The following SLC1A6 variants were observed in gnomAD, a reference collection of about 807,000 sequenced individuals.
SLC1A6 encodes the protein excitatory amino acid transporter 4.
In SLC1A6, 15 loss-of-function variants were observed where a neutral mutation model predicts 42.1. The ratio of observed to expected loss-of-function variants is 0.36; its 90% confidence interval spans 0.24 to 0.55. SLC1A6 has a LOEUF of 0.55. SLC1A6 is among the 20% of genes least tolerant of loss of function. The pLI is 0.88. For synonymous variants in SLC1A6, 317 were observed against 319.7 expected, an observed-to-expected ratio of 0.99 and a Z score of 0.09; for missense variants, 542 against 772.5, an observed-to-expected ratio of 0.70 and a Z score of 3.54.
intron 1 of SLC1A6, among the ~76,000 whole-genome samples, chr19:15,001,665 C>T (rs1024740471): frequency 2.6e-5 from 4 of 152,050 alleles, no homozygotes; most frequent in African/African-American, 9.7e-5. Flanking sequence ...TCTTCCTAAC[C>T]TTCTTATTTT....
intron 1 of SLC1A6, among the ~76,000 whole-genome samples, chr19:15,001,327 G>A (rs773519305): frequency 1.3e-5 from 2 of 152,182 alleles, no homozygotes; most frequent in East Asian, 1.9e-4. Context: ...ACCTCAAACC[G>A]AGTGGTCAGA....
At chr19:14,965,712 T>C (rs1435734983) in intron 4 of SLC1A6, among the ~76,000 whole-genome samples, 1 of 152,002 alleles carries the variant, frequency 6.6e-6, no homozygotes, top group African/African-American at 2.4e-5. Context: ...TAGCTGGGCA[T>C]GGTGGCAGGC....
chr19:14,964,552 A>G (rs1360115670), intron 4 of SLC1A6, among the ~76,000 whole-genome samples, 191 bp from the exon 5 acceptor site: 2 of 152,174 alleles, frequency 1.3e-5, no homozygotes, highest in South Asian at 2.1e-4. Flanking sequence ...CATGAGTCCT[A>G]TTGAATGCCG....
rs138218176 is a variant in SLC1A6, at chr19:14,995,341, AAAAGAAAGAAAG to A, written c.6+15132_6+15143del. 2.5e-5 allele frequency among the ~76,000 whole-genome samples: 3 copies of A among 119,700 alleles called. No individual in the cohort carries two copies. The South Asian group carries it at 7.9e-4, about 32-fold the overall frequency. 78.5% of individuals were successfully genotyped at this position (119,700 alleles called of 152,430 possible). A position where few individuals can be genotyped will look rare whatever the true frequency, so the allele number is the denominator to read the frequency against. On this transcript the variant is annotated intron_variant, in intron 1 of 8. Transcript: ENST00000430939. Reference sequence around the variant, plus strand: ...ACTCCATCTCCAAAAAAAAAAAAAAAAAAGAAAGAAAGAAAGAAAGAAAGAAAAGGGAAGGGA... The same window carrying A: ...ACTCCATCTCCAAAAAAAAAAAAAAAAAAGAAAGAAAGAAAAGGGAAGGGA...
chr19:14,965,724 C>T (rs945332091), intron 4 of SLC1A6, among the ~76,000 whole-genome samples: 1 of 151,996 alleles, frequency 6.6e-6, no homozygotes, highest in African/African-American at 2.4e-5. Flanking sequence ...GTGGCAGGCA[C>T]CTCTAATCCC....
chr19:15,009,276 A>G (rs2045913065), intron 1 of SLC1A6, among the ~76,000 whole-genome samples: 1 of 77,856 alleles, frequency 1.3e-5, no homozygotes. Context: ...CTATATATCT[A>G]TAAATATCAT....
intron 5 of SLC1A6, among the ~76,000 whole-genome samples, chr19:14,962,553 G>A (rs764631194): frequency 3.2e-4 from 49 of 152,290 alleles, no homozygotes; most frequent in Non-Finnish European, 6.8e-4. Flanking sequence ...ATGGAAGAAT[G>A]AGCGAATGAA....
intron 1 of SLC1A6, 59 bp from the exon 2 acceptor site, chr19:14,972,976 C>G: frequency 7.3e-7 from 1 of 1,361,698 alleles, no homozygotes; most frequent in South Asian, 1.4e-5. Flanking sequence ...CCGGCGTGGG[C>G]AGATGGCGAA....
chr19:14,971,873 C>G lies in SLC1A6; in HGVS notation c.207G>C (p.Gly69=). The part of the protein sequence containing the change: ...ILLTVSAVVI[G]VSLAFALRPY... Reference sequence around the variant, plus strand: ...GGCGCAGGGCAAAGGCCAGGCTGACCCCTAGGGCCAAAAGAAGGGGTCCAT... The same window carrying G: ...GGCGCAGGGCAAAGGCCAGGCTGACGCCTAGGGCCAAAAGAAGGGGTCCAT... Residue 69 remains glycine, a splice_region_variant and synonymous_variant, in exon 3 of 10, where the codon GGG becomes GGC. Coordinates refer to ENST00000594383, the MANE Select transcript of SLC1A6 (RefSeq NM_005071.3). 1.2e-6 allele frequency: 2 copies of G among 1,614,004 alleles called. No individual in the cohort carries two copies. The highest frequency in any genetic ancestry group is 1.3e-5 in the African/African-American group (1 of 75,044).
intron 1 of SLC1A6, among the ~76,000 whole-genome samples, chr19:14,999,720 C>T (rs1404157760): frequency 6.6e-6 from 1 of 152,198 alleles, no homozygotes; most frequent in Non-Finnish European, 1.5e-5. Context: ...GATTTTTTTA[C>T]TCTACCGTGG....
At chr19:14,965,373 C>T (rs1449388948) in intron 4 of SLC1A6, among the ~76,000 whole-genome samples, 1 of 152,136 alleles carries the variant, frequency 6.6e-6, no homozygotes, top group Admixed American at 6.5e-5. Context: ...AGCAATCCCA[C>T]TACTGGGTAT....
chr19:14,984,382 T>C (rs2045782890), upstream of SLC1A6, among the ~76,000 whole-genome samples: 1 of 152,032 alleles, frequency 6.6e-6, no homozygotes, highest in Non-Finnish European at 1.5e-5. Context: ...ATAACTACCA[T>C]GAATCATGAA....
Position 14,979,722 on chromosome 19 carries a change from C to G in SLC1A6, c.-421G>C, listed in dbSNP as rs976084764. 1.3e-5 allele frequency: 2 copies of G among 151,950 alleles called. No homozygotes were observed. Among genetic ancestry groups the G allele is most frequent in the African/African-American group, 4.8e-5 (2 of 41,300 alleles). 9.4% of individuals were successfully genotyped at this position (151,950 alleles called of 1,614,324 possible). On this transcript the variant is annotated 5_prime_UTR_variant, in exon 1 of 10. Transcript: ENST00000594383. This position sits in a 1 kb window ranked among gnomAD's most constrained non-coding sequence, Gnocchi z 4.2. ...GGGAGGGATCCGGGCCGGCCCTGCG[C>G]TCACGTGGGTGTGGGGGCACCGAGC... is the stretch of plus-strand genomic sequence containing the variant.
At chr19:14,976,532 CAT>C (rs1402652506) in intron 1 of SLC1A6, among the ~76,000 whole-genome samples, 12 of 152,150 alleles carry the variant, frequency 7.9e-5, no homozygotes, top group African/African-American at 2.4e-4. Flanking sequence ...TGTAATACCA[CAT>C]GTTTACTTAT....
In SLC1A6 at chr19:14,950,271, C is replaced by A; in HGVS notation, c.1619G>T (p.Gly540Val). Residue 540 changes from glycine to valine, a missense_variant, in exon 10 of 10, where the codon GGG becomes GTG. Around this residue, in one of 6 missense-constraint regions of SLC1A6, gnomAD observed 73 missense variants for 85.2 expected, o/e 0.86. Coordinates refer to ENST00000594383, the MANE Select transcript of SLC1A6 (RefSeq NM_005071.3). ...TGCCATGAGGGACTTGTAGGGTTTC[C>A]CCAGGCTGGGGAGGGTAAGCTCAGC... is the stretch of plus-strand genomic sequence containing the variant. ...QEAELTLPSL[G>V]KPYKSLMAQE... is the part of the protein sequence containing the mutation. 6.2e-7 allele frequency: 1 copy of A among 1,612,088 alleles called. No homozygotes were observed. Among genetic ancestry groups the A allele is most frequent in the Non-Finnish European group, 8.5e-7 (1 of 1,178,940 alleles).
At chr19:14,988,914 G>T (rs964580257) in intron 1 of SLC1A6, among the ~76,000 whole-genome samples, 1 of 152,130 alleles carries the variant, frequency 6.6e-6, no homozygotes, top group African/African-American at 2.4e-5. Context: ...AGCTACTCAG[G>T]AGGCAGAGGT....
chr19:14,987,521 T>C (rs1030003381), intron 1 of SLC1A6, among the ~76,000 whole-genome samples: 4 of 151,454 alleles, frequency 2.6e-5, no homozygotes, highest in African/African-American at 9.7e-5. Flanking sequence ...AGGAAAAGAA[T>C]ATATGGAGGG....
chr19:14,985,686 C>T (rs916162468), intron 1 of SLC1A6, among the ~76,000 whole-genome samples: 9 of 152,294 alleles, frequency 5.9e-5, no homozygotes, highest in East Asian at 1.9e-4. Context: ...ACAGTCTGGC[C>T]GGGCACTTGG....
chr19:14,985,035 C>A (rs1473694281), intron 1 of SLC1A6, among the ~76,000 whole-genome samples: 7 of 152,166 alleles, frequency 4.6e-5, no homozygotes, highest in Non-Finnish European at 1.0e-4. Flanking sequence ...GTGCGTGCCA[C>A]CATGCCTGGC....
Sources: gnomAD v4.1 joint callset for allele counts (sites outside exome capture counted in the v4.1 genomes callset) on GRCh38, gnomAD v4.1.1 for gene constraint, gnomAD v4.1.1 regional missense constraint, Gnocchi (gnomAD v3.1) non-coding constraint, MANE v1.5 for transcripts, NCBI Gene and HGNC (gene_info 2026-07-23, HGNC 2026-07-21) for gene names.